The following FAT1 variants were observed in gnomAD, a reference collection of about 807,000 sequenced individuals.
FAT1 encodes protocadherin Fat 1.
Under a neutral mutation model 329.8 loss-of-function variants are expected in FAT1, and 171 were observed. The observed-to-expected ratio is 0.52, with a 90% confidence interval of 0.46 to 0.59. The LOEUF (loss-of-function observed/expected upper bound fraction) is 0.59, where lower values mean the gene tolerates loss of function less well. Ranked by LOEUF, FAT1 falls within the 20% of genes least tolerant of loss-of-function variation. FAT1 has a pLI of 0.00. For missense variants in FAT1, 5,672 were observed against 5,774.4 expected (o/e 0.98, Z 0.57); for synonymous variants, 2,233 against 2,228.6 (o/e 1.00, Z -0.06).
intron 16 of FAT1, among the ~76,000 whole-genome samples, chr4:186,608,476 G>C (rs1057110097): frequency 2.0e-5 from 3 of 152,060 alleles, no homozygotes; most frequent in African/African-American, 7.2e-5. Context: ...CAACTCCTGG[G>C]CTCAGTGAAT....
chr4:186,596,862 A>G lies in FAT1; in HGVS notation c.12678T>C (p.Ala4226=). 6.2e-7 allele frequency: 1 copy of G among 1,614,030 alleles called. No homozygotes were observed. The highest frequency in any genetic ancestry group is 8.5e-7 in the Non-Finnish European group (1 of 1,179,904). ...AATCAAAATACGGTCTTTGCAAGAA[A>G]GCCGTAGCGGGTCCCAGGTGCTTGT... ...PKDKHLGPAT[A]FLQRPYFDSK... is the part of the protein sequence containing the mutation. Residue 4226 remains alanine, a synonymous_variant, in exon 25 of 27, where the codon GCT becomes GCC. Transcript: ENST00000441802. The surrounding 1 kb of genome is among the most constrained non-coding windows in gnomAD (Gnocchi z 4.7).
chr4:186,616,864 A>AC lies in FAT1; in HGVS notation c.9075+140dup, dbSNP rs1021576187. 3 of 678,076 alleles carry AC rather than the reference A, an allele frequency of 4.4e-6. No homozygotes were observed. In the African/African-American group the frequency reaches 5.5e-5, roughly 12 times the overall value. The allele number at this position is 678,076 out of a possible 1,614,324, so 42.0% of individuals were successfully genotyped here. A position where few individuals can be genotyped will look rare whatever the true frequency, so the allele number is the denominator to read the frequency against. On this transcript the variant is annotated intron_variant, in intron 11 of 26. Transcript: ENST00000441802. ...TAGTTCTGAAGCTTTTCCAAGTCTT[A>AC]CCCCATTTAACACCTCTGCTTAATC...
chr4:186,652,047 A>C (rs1741689082), intron 3 of FAT1, among the ~76,000 whole-genome samples: 1 of 152,184 alleles, frequency 6.6e-6, no homozygotes, highest in Non-Finnish European at 1.5e-5. Context: ...AACACTAATA[A>C]AATGGATCAA....
chr4:186,609,768 C>G (rs1027709949), intron 15 of FAT1, 33 bp downstream of exon 15: 2 of 1,435,760 alleles, frequency 1.4e-6, no homozygotes, highest in Admixed American at 1.7e-5. Flanking sequence ...AGAAGATACA[C>G]AGTTTTCACT....
chr4:186,619,314 C>T lies in FAT1; in HGVS notation c.7272G>A (p.Lys2424=), dbSNP rs1739903920. Reference sequence around the variant, plus strand: ...TGCCAGACAGAATGGAATACTGCAACTTGTCTATGTCTGAACTGTCTGCAT... The same window carrying T: ...TGCCAGACAGAATGGAATACTGCAATTTGTCTATGTCTGAACTGTCTGCAT... ...AYDADSSDID[K]LQYSILSGND... is the part of the protein sequence containing the mutation. The change falls in exon 10 of 27, where the codon AAG becomes AAA. Residue 2424 remains lysine, a synonymous_variant. Transcript: ENST00000441802. 1.2e-6 allele frequency: 2 copies of T among 1,614,040 alleles called. No homozygotes were observed. Among genetic ancestry groups the T allele is most frequent in the Non-Finnish European group, 1.7e-6 (2 of 1,179,904 alleles).
intron 3 of FAT1, 45 bp downstream of exon 3, chr4:186,663,253 GA>G (rs1012827595): frequency 7.1e-7 from 1 of 1,413,032 alleles, no homozygotes; most frequent in African/African-American, 1.4e-5. Flanking sequence ...CCCCCTAACA[GA>G]AAAGCATAAG....
At chr4:186,595,573 A>G (rs1738459187) in intron 26 of FAT1, 116 bp downstream of exon 26, 2 of 1,258,030 alleles carry the variant, frequency 1.6e-6, no homozygotes, top group Non-Finnish European at 2.2e-6. Context: ...AAAGTGGTCC[A>G]AGAAAAATGA....
chr4:186,725,339 A>C (rs1335949081), upstream of FAT1, among the ~76,000 whole-genome samples: 1 of 152,140 alleles, frequency 6.6e-6, no homozygotes, highest in East Asian at 1.9e-4. This position sits in a 1 kb window ranked among gnomAD's most constrained non-coding sequence, Gnocchi z 5.4. Context: ...AGTAATGCTA[A>C]AAGGGGAAAA....
In FAT1 at chr4:186,588,392, G is replaced by C. The variant is rs997125862; in HGVS notation, c.*200C>G. On this transcript the variant is annotated 3_prime_UTR_variant, in exon 27 of 27. Coordinates refer to ENST00000441802, the MANE Select transcript of FAT1 (RefSeq NM_005245.4). ...AAATCCCAAAAGACGTTGGGAAATG[G>C]CACAGCCGATGAAAACCTCACGATG... The C allele has an allele frequency of 5.1e-6, 3 of 591,068 alleles. No homozygotes were observed. In the Admixed American group the frequency reaches 1.0e-4, roughly 21 times the overall value. 36.6% of individuals were successfully genotyped at this position (591,068 alleles called of 1,614,324 possible).
Position 186,613,209 on chromosome 4 carries a change from G to A in FAT1, c.9363C>T (p.Asn3121=), listed in dbSNP as rs2249916. The A allele has an allele frequency of 0.58, 940,000 of 1,612,196 alleles. 276,023 individuals are homozygous for A. The highest frequency in any genetic ancestry group is 0.7 in the African/African-American group (52,408 of 74,792). ...AAGGATCGGCAGAGAATTCGGGGGC[G>A]TTATCGTTCACATCTTCTAGCGTGA... ...IVLTLEDVND[N]APEFSADPYA... The change falls in exon 13 of 27, where the codon AAC becomes AAT. Residue 3121 remains asparagine, a synonymous_variant. Coordinates refer to ENST00000441802, the MANE Select transcript of FAT1 (RefSeq NM_005245.4).
chr4:186,668,124 C>T (rs980730516), intron 2 of FAT1, among the ~76,000 whole-genome samples: 1 of 152,174 alleles, frequency 6.6e-6, no homozygotes, highest in Non-Finnish European at 1.5e-5. Flanking sequence ...ATAGGCACTG[C>T]ACAAAGTGGG....
chr4:186,657,571 T>C (rs1274252331), intron 3 of FAT1, among the ~76,000 whole-genome samples: 2 of 152,096 alleles, frequency 1.3e-5, no homozygotes, highest in Non-Finnish European at 2.9e-5. Context: ...GTGGTGATGT[T>C]TTCTCAGGTG....
At chr4:186,616,517 C>G (rs1739719955) in intron 11 of FAT1, among the ~76,000 whole-genome samples, 1 of 152,132 alleles carries the variant, frequency 6.6e-6, no homozygotes, top group Non-Finnish European at 1.5e-5. Context: ...ATGCCCTCAT[C>G]TAACCTTGGA....
In FAT1 at chr4:186,636,017, A is replaced by T. The variant is rs1196461192; in HGVS notation, c.4183+8T>A. ...ATACGGACAACGAAAATGAGGGGGA[A>T]TGCTTACCAGTGATGTCAAACCAAA... On this transcript the variant is annotated splice_region_variant and intron_variant, in intron 6 of 26. Transcript: ENST00000441802. 3 of 1,613,452 alleles carry T rather than the reference A, an allele frequency of 1.9e-6. No individual in the cohort carries two copies. The Admixed American group carries it at 5.0e-5, about 27-fold the overall frequency.
intron 2 of FAT1, among the ~76,000 whole-genome samples, chr4:186,695,470 G>C (rs1305277288): frequency 6.6e-6 from 1 of 152,200 alleles, no homozygotes; most frequent in Non-Finnish European, 1.5e-5. Flanking sequence ...GGTGTCTCAA[G>C]TGGAAGAGCA....
At chr4:186,702,034 G>C (rs749859223) in intron 2 of FAT1, among the ~76,000 whole-genome samples, 1 of 150,706 alleles carries the variant, frequency 6.6e-6, no homozygotes, top group African/African-American at 2.5e-5. Flanking sequence ...GCCAGGAGCC[G>C]ACCCCCACAC....
chr4:186,666,358 ATC>A (rs1742439950), intron 2 of FAT1, among the ~76,000 whole-genome samples: 1 of 152,214 alleles, frequency 6.6e-6, no homozygotes, highest in African/African-American at 2.4e-5. Flanking sequence ...GCAAAATTAT[ATC>A]TGTCTGTAGG....
At chr4:186,639,676 T>C in intron 4 of FAT1, 46 bp downstream of exon 4, 1 of 1,279,844 alleles carries the variant, frequency 7.8e-7, no homozygotes, top group Non-Finnish European at 1.1e-6. Context: ...CCCATGATAC[T>C]TGTAACTACG....
Position 186,719,703 on chromosome 4 carries a change from G to A in FAT1, c.-19+3961C>T, listed in dbSNP as rs545158861. Among the ~76,000 whole-genome samples the A allele has an allele frequency of 3.9e-5, 6 of 152,338 alleles. No homozygotes were observed. In the South Asian group the frequency reaches 1.2e-3, roughly 32 times the overall value. ...ACTCTATGTATTCGAGAAATTGAAG[G>A]ATGGACTAAAATCTTTACAGCCTCC... is the stretch of plus-strand genomic sequence containing the variant. On this transcript the variant is annotated intron_variant, in intron 1 of 26. Transcript: ENST00000441802.
Sources: allele counts gnomAD v4.1 joint callset (sites outside exome capture counted in the v4.1 genomes callset), GRCh38; gene constraint gnomAD v4.1.1; non-coding constraint Gnocchi (gnomAD v3.1); transcripts MANE v1.5; gene names NCBI Gene and HGNC (gene_info 2026-07-23, HGNC 2026-07-21).